The following CCSER1 variants were observed in gnomAD, a reference collection of about 807,000 sequenced individuals.
The protein encoded by CCSER1 is serine-rich coiled-coil domain-containing protein 1.
A neutral mutation model predicts 82.0 loss-of-function variants in CCSER1; 41 were observed. That is an observed-to-expected ratio of 0.50 (90% CI 0.39 to 0.65). The LOEUF is 0.65. Among genes scored for constraint, CCSER1 ranks in the 30% least tolerant of loss-of-function variants. The probability of loss-of-function intolerance (pLI) is 0.00; values close to 1 mark genes in which losing one functional copy is unlikely to be tolerated. For synonymous variants in CCSER1, 414 were observed against 383.9 expected (o/e 1.08, Z -0.92); for missense variants, 1,119 against 1,064.2 (o/e 1.05, Z -0.72).
chr4:91,461,574 C>T (rs1488350190), intron 10 of CCSER1, among the ~76,000 whole-genome samples: 3 of 152,164 alleles, frequency 2.0e-5, no homozygotes, highest in East Asian at 1.9e-4. Flanking sequence ...ATTAAGGTTC[C>T]TGACCACCAG....
chr4:91,438,673 TC>T (rs1465865491), intron 10 of CCSER1, among the ~76,000 whole-genome samples: 1 of 152,254 alleles, frequency 6.6e-6, no homozygotes, highest in Admixed American at 6.5e-5. Flanking sequence ...CTTCAGATGA[TC>T]AAACTACTCT....
intron 1 of CCSER1, among the ~76,000 whole-genome samples, chr4:90,220,543 A>G (rs1008301564): frequency 2.0e-5 from 3 of 152,134 alleles, no homozygotes; most frequent in Non-Finnish European, 4.4e-5. Context: ...ACAAAACAGA[A>G]ATCAGGTTTG....
In CCSER1 at chr4:90,729,976, C is replaced by T. The variant is rs543876869; in HGVS notation, c.2010+5985C>T. On this transcript the variant is annotated intron_variant, in intron 7 of 10. Transcript: ENST00000509176. ...GCAACTTTTTCTTTTGTTATCCAAA[C>T]CACCACAGTAACGTAACCTGGTAAC... Among the ~76,000 whole-genome samples the T allele has an allele frequency of 2.6e-5, 4 of 152,274 alleles. No homozygotes were observed. The South Asian group carries it at 8.3e-4, about 32-fold the overall frequency.
At chr4:91,518,153 T>C (rs994116658) in intron 10 of CCSER1, among the ~76,000 whole-genome samples, 3 of 152,136 alleles carry the variant, frequency 2.0e-5, no homozygotes, top group Non-Finnish European at 2.9e-5. Flanking sequence ...GATCTTAGTC[T>C]TTATGTTTCC....
intron 6 of CCSER1, among the ~76,000 whole-genome samples, chr4:90,671,059 A>C (rs1408716061): frequency 6.6e-6 from 1 of 152,106 alleles, no homozygotes; most frequent in Non-Finnish European, 1.5e-5. Context: ...ACATATCTTA[A>C]TTAAAAATAC....
intron 4 of CCSER1, among the ~76,000 whole-genome samples, chr4:90,430,816 GA>G (rs1300861142): frequency 4.6e-5 from 7 of 151,836 alleles, no homozygotes; most frequent in African/African-American, 1.4e-4. Flanking sequence ...TAATTTTAGG[GA>G]ATTATATTTA....
In CCSER1 at chr4:90,352,542, A is replaced by T. The variant is rs549496014; in HGVS notation, c.1509+39495A>T. ...CTGGGTGAGGTGGCAGGTGCCTGTAATCCCAGCTACTTGGGAGGTTGAGGC... is the reference window on the plus strand; with the variant it reads ...CTGGGTGAGGTGGCAGGTGCCTGTATTCCCAGCTACTTGGGAGGTTGAGGC... On this transcript the variant is annotated intron_variant, in intron 3 of 10. Transcript: ENST00000509176. Among the ~76,000 whole-genome samples the T allele has an allele frequency of 9.3e-5, 14 of 151,300 alleles. No homozygotes were observed. In the South Asian group the frequency reaches 2.9e-3, roughly 32 times the overall value.
At chr4:90,413,647 A>C (rs939199286) in intron 4 of CCSER1, among the ~76,000 whole-genome samples, 2 of 151,948 alleles carry the variant, frequency 1.3e-5, no homozygotes, top group Non-Finnish European at 2.9e-5. Flanking sequence ...TAGTTTCATA[A>C]ATCCTTGTAA....
chr4:91,179,998 T>G (rs1005761770), intron 10 of CCSER1, among the ~76,000 whole-genome samples: 1 of 152,220 alleles, frequency 6.6e-6, no homozygotes, highest in Non-Finnish European at 1.5e-5. Flanking sequence ...GGTGTGGATG[T>G]CCTTTCTGTT....
At chr4:90,782,830 A>T (rs1335936417) in intron 7 of CCSER1, among the ~76,000 whole-genome samples, 1 of 150,966 alleles carries the variant, frequency 6.6e-6, no homozygotes, top group Non-Finnish European at 1.5e-5. Context: ...TACAGGTGCC[A>T]GCCATCACGC....
At chr4:90,371,932 C>T (rs1483908377) in intron 3 of CCSER1, among the ~76,000 whole-genome samples, 1 of 151,964 alleles carries the variant, frequency 6.6e-6, no homozygotes, top group Non-Finnish European at 1.5e-5. Context: ...TGTACACTAA[C>T]CTATATATAT....
chr4:90,545,614 A>T (rs1238362454), intron 5 of CCSER1, among the ~76,000 whole-genome samples: 1 of 152,010 alleles, frequency 6.6e-6, no homozygotes, highest in Non-Finnish European at 1.5e-5. Flanking sequence ...TTTAGCCATG[A>T]CTATTCCTCA....
At chr4:90,311,900 G>A (rs571467774) in intron 2 of CCSER1, among the ~76,000 whole-genome samples, 5 of 152,106 alleles carry the variant, frequency 3.3e-5, no homozygotes, top group Non-Finnish European at 7.4e-5. Context: ...TAGGGATGTA[G>A]CAATACACAA....
intron 7 of CCSER1, among the ~76,000 whole-genome samples, chr4:90,809,715 A>G (rs77755137): frequency 6.9e-6 from 1 of 145,692 alleles, no homozygotes; most frequent in East Asian, 2.1e-4. Context: ...AAATAAAATT[A>G]AAAAAATAAT....
At chr4:91,185,674 A>G (rs545001735) in intron 10 of CCSER1, among the ~76,000 whole-genome samples, 1 of 152,326 alleles carries the variant, frequency 6.6e-6, no homozygotes, top group South Asian at 2.1e-4. Flanking sequence ...TTAGGGTGAC[A>G]TTGATTAGCC....
chr4:90,235,952 T>G (rs1173654147), intron 1 of CCSER1, among the ~76,000 whole-genome samples: 1 of 151,868 alleles, frequency 6.6e-6, no homozygotes, highest in African/African-American at 2.4e-5. Flanking sequence ...AATAAGTAAT[T>G]TTTTTTTGAG....
At chr4:91,161,804 G>A (rs1021815890) in intron 10 of CCSER1, among the ~76,000 whole-genome samples, 1 of 152,178 alleles carries the variant, frequency 6.6e-6, no homozygotes, top group Non-Finnish European at 1.5e-5. Context: ...TAAGCAACAT[G>A]AAGTTGCTTA....
chr4:91,088,874 G>A (rs1473894308), intron 10 of CCSER1, among the ~76,000 whole-genome samples: 1 of 151,858 alleles, frequency 6.6e-6, no homozygotes, highest in Non-Finnish European at 1.5e-5. Context: ...TTCATTAAGT[G>A]TGGATAATAC....
intron 10 of CCSER1, among the ~76,000 whole-genome samples, chr4:91,596,138 G>A (rs1764567500): frequency 6.6e-6 from 1 of 151,910 alleles, no homozygotes; most frequent in African/African-American, 2.4e-5. Flanking sequence ...ACCAGAGAAG[G>A]GGTGCTGAGG....
Sources: allele counts gnomAD v4.1 joint callset (sites outside exome capture counted in the v4.1 genomes callset), GRCh38; gene constraint gnomAD v4.1.1; transcripts MANE v1.5; gene names NCBI Gene and HGNC (gene_info 2026-07-23, HGNC 2026-07-21).